LEPROTL1: variants seen among roughly 807,000 people sequenced by gnomAD.
LEPROTL1 encodes leptin receptor overlapping transcript-like 1.
In LEPROTL1, 6 loss-of-function variants were observed where a neutral mutation model predicts 15.4. The ratio of observed to expected loss-of-function variants is 0.39; its 90% confidence interval spans 0.21 to 0.77. The LOEUF (loss-of-function observed/expected upper bound fraction) is 0.77. LEPROTL1 is among the 30% of genes least tolerant of loss of function. The probability of loss-of-function intolerance (pLI) is 0.41; values close to 1 mark genes in which losing one functional copy is unlikely to be tolerated. For synonymous variants in LEPROTL1, 56 were observed against 52.6 expected (o/e 1.06, Z -0.28); for missense variants, 128 against 158.1 (o/e 0.81, Z 1.02).
intron 3 of LEPROTL1, among the ~76,000 whole-genome samples, chr8:30,121,454 A>G (rs1802829291): frequency 6.6e-6 from 1 of 151,910 alleles, no homozygotes; most frequent in Admixed American, 6.6e-5. Flanking sequence ...GGTTTTCGCC[A>G]TGTTGGCCAG....
Position 30,107,423 on chromosome 8 carries a change from C to G in LEPROTL1, c.*1561C>G. 1.0e-6 allele frequency: 1 copy of G among 985,776 alleles called. No homozygotes were observed. The highest frequency in any genetic ancestry group is 1.2e-6 in the Non-Finnish European group (1 of 829,850). The allele number at this position is 985,776 out of a possible 1,614,324, so 61.1% of individuals were successfully genotyped here. On this transcript the variant is annotated 3_prime_UTR_variant, in exon 4 of 4. Transcript: ENST00000321250. ...ACTTACATAAAAATTATTTCGCCATCAGCCAAAACTCAGTAATCATGACAG... is the reference window on the plus strand; with the variant it reads ...ACTTACATAAAAATTATTTCGCCATGAGCCAAAACTCAGTAATCATGACAG...
At chr8:30,105,134 G>A (rs947964425) in intron 3 of LEPROTL1, 4 of 152,272 alleles carry the variant, frequency 2.6e-5, no homozygotes, top group Admixed American at 2.6e-4. Flanking sequence ...TGCTCTGCAG[G>A]CAGAAAAGCA....
chr8:30,137,362 G>A (rs550518450), exon 5 of LEPROTL1: 60 of 1,551,672 alleles, frequency 3.9e-5, no homozygotes, highest in East Asian at 7.3e-5. Context: ...CCCAGCAGCC[G>A]CCATGAGAAG....
chr8:30,104,402 T>C lies in LEPROTL1; in HGVS notation c.195T>C (p.Ala65=), dbSNP rs1245035372. ...LVDDTDAMSN[A]CKELAIFLTT... Reference sequence around the variant, plus strand: ...ATGATACAGATGCTATGAGTAACGCTTGTAAGGAACTTGCCATCTTTCTTA... The same window carrying C: ...ATGATACAGATGCTATGAGTAACGCCTGTAAGGAACTTGCCATCTTTCTTA... Residue 65 remains alanine, a synonymous_variant, in exon 3 of 4, where the codon GCT becomes GCC. Coordinates refer to ENST00000321250, the MANE Select transcript of LEPROTL1 (RefSeq NM_015344.3). 1 of 1,612,824 alleles carries C rather than the reference T, an allele frequency of 6.2e-7. No homozygotes were observed. Among genetic ancestry groups the C allele is most frequent in the Non-Finnish European group, 8.5e-7 (1 of 1,179,408 alleles).
intron 4 of LEPROTL1, chr8:30,132,697 C>T (rs146255946): frequency 2.6e-6 from 4 of 1,551,554 alleles, no homozygotes; most frequent in South Asian, 2.4e-5. Flanking sequence ...AGCCTGAAAT[C>T]GCTGGAAGGA....
intron 2 of LEPROTL1, among the ~76,000 whole-genome samples, chr8:30,103,673 C>T (rs555004233): frequency 1.7e-4 from 25 of 148,842 alleles, no homozygotes; most frequent in African/African-American, 6.0e-4. Context: ...ACCCAGGAGG[C>T]AGAAGTTGCA....
intron 3 of LEPROTL1, among the ~76,000 whole-genome samples, chr8:30,118,928 C>A (rs1467616685): frequency 1.3e-5 from 2 of 152,198 alleles, no homozygotes; most frequent in Non-Finnish European, 2.9e-5. Context: ...CATGTCTCGC[C>A]TCCCTTCCTC....
chr8:30,103,741 CAAAA>C, intron 2 of LEPROTL1, among the ~76,000 whole-genome samples: 1 of 89,064 alleles, frequency 1.1e-5, no homozygotes, highest in South Asian at 3.6e-4. Context: ...GACTCTGTCT[CAAAA>C]AAAAAAAAAA....
intron 3 of LEPROTL1, chr8:30,104,783 C>G (rs922704169): frequency 5.4e-6 from 1 of 184,728 alleles, no homozygotes; most frequent in Non-Finnish European, 1.1e-5. Context: ...CGTGATCTCA[C>G]CTCACTGCAA....
In LEPROTL1 at chr8:30,125,106, CATAATT is replaced by C. The variant is rs202098720; in HGVS notation, c.280-7266_280-7261del. Among the ~76,000 whole-genome samples, 1,274 of 152,306 alleles carry C rather than the reference CATAATT, an allele frequency of 8.4e-3. 17 individuals are homozygous for C. Among genetic ancestry groups the C allele is most frequent in the African/African-American group, 0.029 (1,215 of 41,572 alleles). ...ATTCCCTGCAAGGAAAACATACGTA[CATAATT>C]ATCTCACTTGTTGTAACTTAAAAGG... On this transcript the variant is annotated intron_variant, in intron 3 of 4. Transcript: ENST00000442880.
chr8:30,114,317 G>A (rs1390480158), intron 3 of LEPROTL1, among the ~76,000 whole-genome samples: 1 of 105,236 alleles, frequency 9.5e-6, no homozygotes, highest in African/African-American at 3.0e-5. Flanking sequence ...TTGAGATGGA[G>A]TCTGGCTCTG....
intron 3 of LEPROTL1, chr8:30,117,571 G>C: frequency 3.6e-6 from 5 of 1,384,950 alleles, no homozygotes; most frequent in African/African-American, 1.4e-5. Context: ...CACTTGTTTA[G>C]CCTGTCTGTG....
chr8:30,137,426 G>A (rs1585486144), exon 5 of LEPROTL1: 1 of 1,551,708 alleles, frequency 6.4e-7, no homozygotes, highest in South Asian at 1.2e-5. Context: ...CTGGCAGACA[G>A]TGCTGAGTCA....
intron 1 of LEPROTL1, among the ~76,000 whole-genome samples, chr8:30,101,247 G>C (rs986073118): frequency 1.3e-5 from 2 of 152,178 alleles, no homozygotes; most frequent in Non-Finnish European, 2.9e-5. Context: ...AAACTGTAGT[G>C]ATCTGTGAAG....
chr8:30,126,294 C>A (rs1802905155), intron 3 of LEPROTL1, among the ~76,000 whole-genome samples: 1 of 152,140 alleles, frequency 6.6e-6, no homozygotes, highest in Admixed American at 6.6e-5. Flanking sequence ...GATGTTCATA[C>A]AATGACAAAA....
At chr8:30,115,031 C>A (rs1440634642) in intron 3 of LEPROTL1, among the ~76,000 whole-genome samples, 1 of 152,144 alleles carries the variant, frequency 6.6e-6, no homozygotes, top group Non-Finnish European at 1.5e-5. Context: ...TTCTCTCCTG[C>A]TCCTGAAACT....
chr8:30,134,745 G>T (rs1476196834), intron 4 of LEPROTL1, among the ~76,000 whole-genome samples: 1 of 152,032 alleles, frequency 6.6e-6, no homozygotes, highest in Admixed American at 6.6e-5. Context: ...ACAGGGTTTC[G>T]CCATGTCTGC....
chr8:30,117,207 G>A (rs1802755291), intron 3 of LEPROTL1, among the ~76,000 whole-genome samples: 1 of 152,086 alleles, frequency 6.6e-6, no homozygotes, highest in South Asian at 2.1e-4. Context: ...TGATCTTAAG[G>A]CCAGGTGTGG....
chr8:30,114,583 GC>G (rs1802706997), intron 3 of LEPROTL1, among the ~76,000 whole-genome samples: 1 of 152,074 alleles, frequency 6.6e-6, no homozygotes, highest in African/African-American at 2.4e-5. Context: ...GAGCCACTGC[GC>G]CCAGCTTACA....
Sources: allele counts gnomAD v4.1 joint callset (sites outside exome capture counted in the v4.1 genomes callset), GRCh38; gene constraint gnomAD v4.1.1; transcripts MANE v1.5; gene names NCBI Gene and HGNC (gene_info 2026-07-23, HGNC 2026-07-21).